Variants in TMEM235 observed in about 807,000 individuals in gnomAD.
TMEM235 encodes the protein transmembrane protein 235, also known as claudin-27.
TMEM235 carries 23 observed loss-of-function variants against 22.9 expected under a neutral mutation model. That is an observed-to-expected ratio of 1.00 (90% CI 0.72 to 1.42). TMEM235 has a LOEUF of 1.42. Among genes scored for constraint, TMEM235 ranks in the 40% most tolerant of loss-of-function variants. The pLI is 0.00. For synonymous variants in TMEM235, 137 were observed against 140.5 expected (o/e 0.98, Z 0.17); for missense variants, 308 against 299.5 (o/e 1.03, Z -0.21).
intron 3 of TMEM235, chr17:78,234,356 G>A (rs929184682): frequency 8.3e-6 from 6 of 721,644 alleles, no homozygotes; most frequent in African/African-American, 1.7e-5. Flanking sequence ...CGGGTTGGGG[G>A]ACATGTGAGG....
chr17:78,234,144 G>A (rs1479429199), intron 3 of TMEM235, 169 bp downstream of exon 2: 2 of 709,526 alleles, frequency 2.8e-6, no homozygotes, highest in East Asian at 2.7e-5. Flanking sequence ...CCTAACCACA[G>A]GTGCCCAGCT....
At chr17:78,233,861 C>A (rs1026426407) in intron 2 of TMEM235, 34 bp from the exon 2 acceptor site, 2 of 1,532,994 alleles carry the variant, frequency 1.3e-6, no homozygotes, top group Admixed American at 2.0e-5. Context: ...ACCACAGCGT[C>A]CAGGCCCCAG....
chr17:78,235,714 C>T (rs2076635916), intron 4 of TMEM235, among the ~76,000 whole-genome samples: 1 of 150,220 alleles, frequency 6.7e-6, no homozygotes, highest in African/African-American at 2.4e-5. Context: ...CATTCTCTTG[C>T]CTCAGCCTCC....
exon 5 of TMEM235, chr17:78,239,216 C>A (rs1345906054): frequency 1.9e-6 from 3 of 1,543,152 alleles, no homozygotes; most frequent in Non-Finnish European, 2.6e-6. Context: ...GCTGCCTGGA[C>A]CCTCAGCCTG....
At chr17:78,233,532 A>G (rs2145915357) in intron 2 of TMEM235, among the ~76,000 whole-genome samples, 1 of 152,132 alleles carries the variant, frequency 6.6e-6, no homozygotes, top group East Asian at 1.9e-4. Context: ...CGTCTCTACT[A>G]AAAATACAAA....
intron 5 of TMEM235, 117 bp downstream of exon 4, chr17:78,239,390 G>C: frequency 4.0e-6 from 5 of 1,264,400 alleles, no homozygotes; most frequent in Non-Finnish European, 4.3e-6. Flanking sequence ...GCCAGGAAGG[G>C]GCTGGGGGTG....
Position 78,239,944 on chromosome 17 carries a change from C to T in TMEM235, c.*152C>T, listed in dbSNP as rs775338855. Reference sequence around the variant, plus strand: ...TGATGAGAGGGCCCGAGAGCCCCTCCGATTTGCAGGGGTGGGGGGCAAGGA... The same window carrying T: ...TGATGAGAGGGCCCGAGAGCCCCTCTGATTTGCAGGGGTGGGGGGCAAGGA... On this transcript the variant is annotated 3_prime_UTR_variant, in exon 6 of 6. Transcript: ENST00000421688. 2.0e-5 allele frequency: 31 copies of T among 1,549,392 alleles called. No individual in the cohort carries two copies. In the African/African-American group the frequency reaches 2.5e-4, roughly 12 times the overall value.
chr17:78,235,001 TC>T (rs1284529395), intron 4 of TMEM235, among the ~76,000 whole-genome samples: 1 of 152,262 alleles, frequency 6.6e-6, no homozygotes, highest in African/African-American at 2.4e-5. Flanking sequence ...ATGCCTGTGA[TC>T]CCAGCACTTT....
At chr17:78,232,844 A>G (rs2076598951) in intron 2 of TMEM235, among the ~76,000 whole-genome samples, 2 of 152,210 alleles carry the variant, frequency 1.3e-5, no homozygotes, top group Admixed American at 1.3e-4. Context: ...GCATCTGAAT[A>G]TGTGTGCATG....
exon 6 of TMEM235, chr17:78,240,278 G>T: frequency 3.5e-6 from 1 of 289,466 alleles, no homozygotes; most frequent in Non-Finnish European, 6.6e-6. Flanking sequence ...GGGCCTGGCT[G>T]AGGGTGCTTC....
rs1034801335 is a variant in TMEM235 at position 78,237,542 on chromosome 17, G to A, written c.410-1482G>A. On this transcript the variant is annotated intron_variant, in intron 4 of 5. Coordinates refer to ENST00000421688, the Ensembl canonical transcript of TMEM235. This position sits in a 1 kb window ranked among gnomAD's most constrained non-coding sequence, Gnocchi z 4.7. Reference sequence around the variant, plus strand: ...ATTTTGGGAGAAAGGCCGTGTCCTCGGCCAGGCTACAGGAGGCAGCTGGTG... The same window carrying A: ...ATTTTGGGAGAAAGGCCGTGTCCTCAGCCAGGCTACAGGAGGCAGCTGGTG... Among the ~76,000 whole-genome samples, 4 of 152,090 alleles carry A rather than the reference G, an allele frequency of 2.6e-5. No homozygotes were observed. The highest frequency in any genetic ancestry group is 5.9e-5 in the Non-Finnish European group (4 of 68,004).
chr17:78,237,941 G>A lies in TMEM235; in HGVS notation c.410-1083G>A, dbSNP rs2076662202. 6.6e-6 allele frequency among the ~76,000 whole-genome samples: 1 copy of A among 152,194 alleles called. No individual in the cohort carries two copies. The highest frequency in any genetic ancestry group is 1.5e-5 in the Non-Finnish European group (1 of 68,040). On this transcript the variant is annotated intron_variant, in intron 4 of 5. Coordinates refer to ENST00000421688, the Ensembl canonical transcript of TMEM235. This position sits in a 1 kb window ranked among gnomAD's most constrained non-coding sequence, Gnocchi z 4.7. ...AGGCTGTGTTGTGCCCCTTCACTGG[G>A]CACCAGTGAGATCCAGACCTGGCCC...
chr17:78,239,375 T>A, intron 5 of TMEM235, 102 bp downstream of exon 4: 2 of 1,366,592 alleles, frequency 1.5e-6, no homozygotes, highest in Non-Finnish European at 1.9e-6. Flanking sequence ...CTCGCTGGGG[T>A]CCTGGCCAGG....
exon 2 of TMEM235, chr17:78,231,999 C>T: frequency 3.3e-6 from 4 of 1,223,896 alleles, no homozygotes; most frequent in Non-Finnish European, 1.0e-6. Context: ...TACCCCCGAC[C>T]CGTCCCCTCC....
At chr17:78,234,433 G>T in intron 3 of TMEM235, 160 bp from the exon 3 acceptor site, 4 of 1,106,736 alleles carry the variant, frequency 3.6e-6, no homozygotes, top group Non-Finnish European at 4.0e-6. Context: ...GCCCCTGCCA[G>T]AGTCAGAGGG....
intron 4 of TMEM235, among the ~76,000 whole-genome samples, chr17:78,235,378 C>T (rs188735598): frequency 7.2e-4 from 110 of 152,094 alleles, no homozygotes; most frequent in African/African-American, 2.6e-3. Flanking sequence ...ACCTCCGCAT[C>T]CTGGGTTCGA....
At chr17:78,231,415 G>A (rs2076577020) in intron 1 of TMEM235, 1 of 1,291,600 alleles carries the variant, frequency 7.7e-7, no homozygotes. Flanking sequence ...CCAAAACAAG[G>A]TTTTTTCCTT....
intron 2 of TMEM235, among the ~76,000 whole-genome samples, chr17:78,233,469 A>G (rs1255034554): frequency 6.6e-6 from 1 of 152,186 alleles, no homozygotes; most frequent in Non-Finnish European, 1.5e-5. Context: ...GCACTTTGGG[A>G]GGCCGAGGCG....
At position 78,238,359 on chromosome 17, in the gene TMEM235, C is replaced by T. The variant is rs938571338; in HGVS notation, c.410-665C>T. ...GAGGAGGGCCCAGGGCAGGCATCCT[C>T]CCCTGGGGAAGGGCCTGAAACTCAG... On this transcript the variant is annotated intron_variant, in intron 4 of 5. Transcript: ENST00000421688. The surrounding 1 kb of genome is among the most constrained non-coding windows in gnomAD (Gnocchi z 4.3). 3.9e-5 allele frequency among the ~76,000 whole-genome samples: 6 copies of T among 152,016 alleles called. No individual in the cohort carries two copies. Among genetic ancestry groups the T allele is most frequent in the African/African-American group, 1.4e-4 (6 of 41,398 alleles).
Sources: gnomAD v4.1 joint callset for allele counts (sites outside exome capture counted in the v4.1 genomes callset) on GRCh38, gnomAD v4.1.1 for gene constraint, Gnocchi (gnomAD v3.1) non-coding constraint, MANE v1.5 for transcripts, NCBI Gene and HGNC (gene_info 2026-07-23, HGNC 2026-07-21) for gene names.